The following PCCB variants were observed in gnomAD, a reference collection of about 807,000 sequenced individuals.
PCCB encodes the protein propionyl-CoA carboxylase beta chain, mitochondrial.
PCCB carries 43 observed loss-of-function variants against 60.7 expected under a neutral mutation model. The ratio of observed to expected loss-of-function variants is 0.71; its 90% CI spans 0.55 to 0.91. The LOEUF is 0.91. Ranked by LOEUF, PCCB falls within the 40% of genes least tolerant of loss-of-function variation. The pLI is 0.00. For missense variants in PCCB, 766 were observed against 702.8 expected, an observed-to-expected ratio of 1.09 and a Z score of -1.02; for synonymous variants, 276 against 255.9, an observed-to-expected ratio of 1.08 and a Z score of -0.75.
intron 9 of PCCB, among the ~76,000 whole-genome samples, chr3:136,307,122 A>G (rs1934472908): frequency 8.2e-6 from 1 of 122,420 alleles, no homozygotes; most frequent in African/African-American, 2.5e-5. Context: ...TAAGGATTTT[A>G]TGTTTAGCAA....
chr3:136,259,749 A>C (rs1410598982), intron 3 of PCCB, among the ~76,000 whole-genome samples: 1 of 152,142 alleles, frequency 6.6e-6, no homozygotes, highest in Non-Finnish European at 1.5e-5. Flanking sequence ...TGCTTTAAAA[A>C]CTATATGTAT....
chr3:136,329,884 C>T, intron 14 of PCCB, 21 bp from the exon 15 acceptor site: 1 of 1,613,948 alleles, frequency 6.2e-7, no homozygotes, highest in Non-Finnish European at 8.5e-7. Flanking sequence ...ATGATCCACT[C>T]CCTTTTCTGT....
At chr3:136,256,135 C>G in intron 2 of PCCB, 160 bp downstream of exon 2, 4 of 1,041,730 alleles carry the variant, frequency 3.8e-6, no homozygotes, top group Non-Finnish European at 4.2e-6. Flanking sequence ...TAGAGATGGG[C>G]TTTCGCCATG....
chr3:136,268,125 T>G (rs1205755417), intron 5 of PCCB, among the ~76,000 whole-genome samples: 15 of 138,218 alleles, frequency 1.1e-4, no homozygotes, highest in Admixed American at 3.7e-4. Flanking sequence ...TATATATGTA[T>G]ATATATATAT....
intron 4 of PCCB, among the ~76,000 whole-genome samples, chr3:136,261,278 G>A (rs1284402086): frequency 6.6e-6 from 1 of 152,120 alleles, no homozygotes. Context: ...AATTAAAGTT[G>A]GAGCTACTAG....
chr3:136,281,688 T>C (rs1252381524), intron 5 of PCCB, among the ~76,000 whole-genome samples: 2 of 152,166 alleles, frequency 1.3e-5, no homozygotes, highest in Admixed American at 6.5e-5. Context: ...CTTTGTATGA[T>C]TTGTGATTTT....
chr3:136,325,145 C>G (rs1397450308), intron 10 of PCCB, among the ~76,000 whole-genome samples: 1 of 152,048 alleles, frequency 6.6e-6, no homozygotes. Flanking sequence ...CCACCTTGGC[C>G]TCCCAAAATG....
intron 9 of PCCB, among the ~76,000 whole-genome samples, chr3:136,314,987 C>T (rs200431622): frequency 1.3e-5 from 2 of 152,130 alleles, no homozygotes; most frequent in East Asian, 1.9e-4. Flanking sequence ...AAAGGCTTAG[C>T]TCAAAATTAA....
chr3:136,294,314 T>TA (rs1287335529), intron 7 of PCCB, among the ~76,000 whole-genome samples: 2 of 151,580 alleles, frequency 1.3e-5, no homozygotes, highest in Non-Finnish European at 3.0e-5. Context: ...TCATAGTTGT[T>TA]AACTTCTTTT....
chr3:136,254,547 TTA>T (rs1941613622), intron 1 of PCCB, among the ~76,000 whole-genome samples: 1 of 138,066 alleles, frequency 7.2e-6, no homozygotes, highest in African/African-American at 2.9e-5. Flanking sequence ...TTTTTTTTTT[TTA>T]AAAGACAGGT....
At chr3:136,254,220 G>GTT (rs895580766) in intron 1 of PCCB, among the ~76,000 whole-genome samples, 4 of 150,846 alleles carry the variant, frequency 2.7e-5, no homozygotes, top group African/African-American at 9.7e-5. Context: ...GCTTTTTTTT[G>GTT]TTTGTTTTTG....
At chr3:136,322,522 G>A (rs1428151664) in intron 10 of PCCB, among the ~76,000 whole-genome samples, 2 of 152,192 alleles carry the variant, frequency 1.3e-5, no homozygotes, top group African/African-American at 2.4e-5. Context: ...AAAGATTGTA[G>A]AGAACTGGTA....
intron 1 of PCCB, among the ~76,000 whole-genome samples, chr3:136,251,564 C>G (rs2108129832): frequency 6.6e-6 from 1 of 152,284 alleles, no homozygotes; most frequent in Middle Eastern, 3.4e-3. Context: ...GTAACAGTTC[C>G]TTTTGACACT....
intron 11 of PCCB, 121 bp from the exon 12 acceptor site, chr3:136,327,034 C>T: frequency 8.8e-7 from 1 of 1,134,982 alleles, no homozygotes; most frequent in Non-Finnish European, 1.3e-6. Context: ...TCTGGGTGTC[C>T]AGAAGATAGG....
chr3:136,303,623 G>C (rs1442739089), intron 9 of PCCB, among the ~76,000 whole-genome samples: 2 of 120,840 alleles, frequency 1.7e-5, no homozygotes, highest in African/African-American at 5.0e-5. Context: ...TTTTTTTTGA[G>C]ACAGAGTTTT....
In PCCB at chr3:136,250,491, T is replaced by C. The variant is rs182412270; in HGVS notation, c.116T>C (p.Ile39Thr). Residue 39 changes from isoleucine (I) to threonine (T), a missense_variant, in exon 1 of 15, where the codon ATC (isoleucine) becomes ACC (threonine). Transcript: ENST00000251654. Reference sequence around the variant, plus strand: ...CAGGCCACCTCTGTTAACGAACGCATCGAAAACAAGCGCCGGACCGCGCTG... The same window carrying C: ...CAGGCCACCTCTGTTAACGAACGCACCGAAAACAAGCGCCGGACCGCGCTG... ...CSQATSVNER[I>T]ENKRRTALLG... is the part of the protein sequence containing the mutation. The C allele has an allele frequency of 2.0e-5, 32 of 1,612,872 alleles. No homozygotes were observed. The East Asian group carries it at 6.9e-4, about 35-fold the overall frequency.
intron 9 of PCCB, among the ~76,000 whole-genome samples, chr3:136,315,500 C>T (rs1459378214): frequency 6.6e-6 from 1 of 152,084 alleles, no homozygotes; most frequent in Admixed American, 6.5e-5. Context: ...GCACTCCATC[C>T]TGGGCAGCTA....
chr3:136,251,416 G>C (rs1182492709), intron 1 of PCCB: 1 of 433,366 alleles, frequency 2.3e-6, no homozygotes, highest in African/African-American at 2.0e-5. Context: ...CAGATGAAGA[G>C]TATTCAGGCA....
chr3:136,269,614 G>A (rs1445662191), intron 5 of PCCB, among the ~76,000 whole-genome samples: 3 of 151,044 alleles, frequency 2.0e-5, no homozygotes, highest in Admixed American at 2.0e-4. Context: ...GGCCGGGTGC[G>A]GTGGCTCACG....
Sources: gnomAD v4.1 joint callset for allele counts (sites outside exome capture counted in the v4.1 genomes callset) on GRCh38, gnomAD v4.1.1 for gene constraint, MANE v1.5 for transcripts, NCBI Gene and HGNC (gene_info 2026-07-23, HGNC 2026-07-21) for gene names.